The following TBC1D22A variants were observed in gnomAD, a reference collection of about 807,000 sequenced individuals.
The protein encoded by TBC1D22A is putative GTPase activator.
A neutral mutation model predicts 60.2 loss-of-function variants in TBC1D22A; 38 were observed. The ratio of observed to expected loss-of-function variants is 0.63; its 90% confidence interval spans 0.49 to 0.83. TBC1D22A has a LOEUF of 0.83. Among genes scored for constraint, TBC1D22A ranks in the 40% least tolerant of loss-of-function variants. TBC1D22A has a pLI of 0.00. For missense variants in TBC1D22A, 628 were observed against 701.0 expected (o/e 0.90, Z 1.18); for synonymous variants, 302 against 281.7 (o/e 1.07, Z -0.72).
intron 11 of TBC1D22A, among the ~76,000 whole-genome samples, chr22:47,100,490 A>C (rs1219859550): frequency 6.6e-6 from 1 of 152,106 alleles, no homozygotes; most frequent in Non-Finnish European, 1.5e-5. Context: ...TCCCCACCCA[A>C]ATCTCATCTT....
At chr22:47,002,169 A>G (rs920962761) in intron 10 of TBC1D22A, among the ~76,000 whole-genome samples, 1 of 152,274 alleles carries the variant, frequency 6.6e-6, no homozygotes, top group Non-Finnish European at 1.5e-5. Flanking sequence ...TCAGCGTATA[A>G]AGCACACGAT....
At chr22:47,081,456 A>G (rs193235447) in intron 11 of TBC1D22A, among the ~76,000 whole-genome samples, 23 of 152,258 alleles carry the variant, frequency 1.5e-4, no homozygotes, top group African/African-American at 5.3e-4. Context: ...TGCTCTCACT[A>G]CTTCTATTCA....
intron 10 of TBC1D22A, among the ~76,000 whole-genome samples, chr22:47,031,568 C>T (rs2062474764): frequency 6.6e-6 from 1 of 152,184 alleles, no homozygotes; most frequent in African/African-American, 2.4e-5. Context: ...GTGGCTCTGC[C>T]CAGGGCGCAG....
chr22:46,899,492 G>A lies in TBC1D22A; in HGVS notation c.900+4646G>A, dbSNP rs547154174. ...CTTGTGTTGGCCAGTAGAAAAAATT[G>A]AGTTATGGTTTCTGGCATTGTAGAG... On this transcript the variant is annotated intron_variant, in intron 7 of 12. Transcript: ENST00000337137. 3.9e-5 allele frequency among the ~76,000 whole-genome samples: 6 copies of A among 152,058 alleles called. No individual in the cohort carries two copies. The South Asian group carries it at 1.3e-3, about 32-fold the overall frequency.
At chr22:46,797,178 G>T (rs1158340383) in intron 3 of TBC1D22A, among the ~76,000 whole-genome samples, 2 of 152,322 alleles carry the variant, frequency 1.3e-5, no homozygotes, top group South Asian at 4.1e-4. Flanking sequence ...CACACAGCCC[G>T]AGGGGCCCTG....
At chr22:46,987,041 G>A (rs1159344417) in intron 9 of TBC1D22A, among the ~76,000 whole-genome samples, 6 of 152,178 alleles carry the variant, frequency 3.9e-5, no homozygotes. Flanking sequence ...GTGGCATGGT[G>A]GCCTTGGGAT....
At chr22:46,961,856 G>C (rs900047752) in intron 8 of TBC1D22A, among the ~76,000 whole-genome samples, 1 of 152,194 alleles carries the variant, frequency 6.6e-6, no homozygotes, top group Non-Finnish European at 1.5e-5. Context: ...AGAGCCCTGG[G>C]GAATTTGCTA....
At chr22:46,912,498 T>C (rs1569212543) in intron 8 of TBC1D22A, among the ~76,000 whole-genome samples, 1 of 152,172 alleles carries the variant, frequency 6.6e-6, no homozygotes, top group Non-Finnish European at 1.5e-5. Context: ...CTTTAATGGT[T>C]TCAGTCATTC....
chr22:46,974,259 C>T, intron 8 of TBC1D22A, 31 bp from the exon 9 acceptor site: 1 of 1,556,336 alleles, frequency 6.4e-7, no homozygotes, highest in Non-Finnish European at 8.7e-7. Flanking sequence ...GGCTAAGTCT[C>T]CTTGTCTTTT....
intron 10 of TBC1D22A, among the ~76,000 whole-genome samples, chr22:47,034,716 G>T (rs1170747103): frequency 6.6e-6 from 1 of 152,128 alleles, no homozygotes; most frequent in Non-Finnish European, 1.5e-5. Flanking sequence ...CTATGTGCCG[G>T]GGACTTTGGA....
At chr22:47,164,249 C>T (rs1373702340) in intron 12 of TBC1D22A, among the ~76,000 whole-genome samples, 2 of 152,266 alleles carry the variant, frequency 1.3e-5, no homozygotes, top group Non-Finnish European at 2.9e-5. Context: ...ACTCTGCCGG[C>T]TCCTTAGACA....
At chr22:47,078,119 T>C (rs2064304618) in intron 11 of TBC1D22A, among the ~76,000 whole-genome samples, 1 of 152,096 alleles carries the variant, frequency 6.6e-6, no homozygotes, top group African/African-American at 2.4e-5. Flanking sequence ...CTGTGTTTGG[T>C]CCCCCTAGAC....
chr22:46,827,398 CAGCTTGTGTTTCTAA>C (rs1481832093), intron 4 of TBC1D22A, among the ~76,000 whole-genome samples: 1 of 152,226 alleles, frequency 6.6e-6, no homozygotes, highest in Non-Finnish European at 1.5e-5. Flanking sequence ...ACCATCGGTG[CAGCTTGTGTTTCTAA>C]AACATGACTA....
In TBC1D22A at chr22:46,990,024, G is replaced by T. The variant is rs2074877948; in HGVS notation, c.1126-7610G>T. ...TTGCCATGTTTTCCAGACTGGTCTT[G>T]AACTCCTGGGCTCAAGCGAGCTGCC... On this transcript the variant is annotated intron_variant, in intron 9 of 12. Transcript: ENST00000337137. The surrounding 1 kb of genome is among the most constrained non-coding windows in gnomAD (Gnocchi z 4.6). Among the ~76,000 whole-genome samples, 1 of 152,158 alleles carries T rather than the reference G, an allele frequency of 6.6e-6. No homozygotes were observed. The highest frequency in any genetic ancestry group is 2.1e-4 in the South Asian group (1 of 4,832).
intron 11 of TBC1D22A, among the ~76,000 whole-genome samples, chr22:47,061,911 A>G (rs2063589723): frequency 6.6e-6 from 1 of 151,950 alleles, no homozygotes; most frequent in Non-Finnish European, 1.5e-5. Context: ...AACATGGCAA[A>G]ACCCCGTTTC....
At chr22:47,100,535 T>G (rs2065373145) in intron 11 of TBC1D22A, among the ~76,000 whole-genome samples, 1 of 152,108 alleles carries the variant, frequency 6.6e-6, no homozygotes, top group Admixed American at 6.5e-5. Context: ...AATAGAATCA[T>G]GGGGGCAGGT....
chr22:47,042,496 A>G (rs131890), intron 11 of TBC1D22A, among the ~76,000 whole-genome samples: 97,683 of 152,108 alleles, frequency 0.64, 32,365 homozygotes, highest in East Asian at 0.92. Context: ...ACTCAGCATC[A>G]CAGCCTTCTG....
chr22:47,096,785 G>T (rs1027912470), intron 11 of TBC1D22A, among the ~76,000 whole-genome samples: 1 of 152,180 alleles, frequency 6.6e-6, no homozygotes, highest in Non-Finnish European at 1.5e-5. Context: ...TTGTGCCACA[G>T]CACTCCAGCC....
intron 8 of TBC1D22A, among the ~76,000 whole-genome samples, chr22:46,973,409 G>A (rs1339042205): frequency 6.6e-6 from 1 of 152,238 alleles, no homozygotes; most frequent in East Asian, 1.9e-4. Flanking sequence ...GGCCTGGCGC[G>A]TCAGCAGACC....
Sources: allele counts gnomAD v4.1 joint callset (sites outside exome capture counted in the v4.1 genomes callset), GRCh38; gene constraint gnomAD v4.1.1; non-coding constraint Gnocchi (gnomAD v3.1); transcripts MANE v1.5; gene names NCBI Gene and HGNC (gene_info 2026-07-23, HGNC 2026-07-21).